Variants in TRPM3 observed in about 807,000 individuals in gnomAD.
The protein encoded by TRPM3 is long transient receptor potential channel 3.
A neutral mutation model predicts 181.2 loss-of-function variants in TRPM3; 77 were observed. The observed-to-expected ratio is 0.42, with a 90% CI of 0.35 to 0.51. TRPM3 has a LOEUF of 0.51. Ranked by LOEUF, TRPM3 falls within the 20% of genes least tolerant of loss-of-function variation. TRPM3 has a pLI of 0.01. For missense variants in TRPM3, 1,759 were observed against 2,196.7 expected (o/e 0.80, Z 3.98); for synonymous variants, 745 against 796.4 (o/e 0.94, Z 1.09).
chr9:71,107,943 A>T (rs2070101578), intron 1 of TRPM3, among the ~76,000 whole-genome samples: 1 of 152,174 alleles, frequency 6.6e-6, no homozygotes, highest in Admixed American at 6.5e-5. Context: ...ATTTCAGTCA[A>T]CCAGAAGAAT....
intron 1 of TRPM3, among the ~76,000 whole-genome samples, chr9:71,164,496 G>A (rs1367728414): frequency 6.6e-6 from 1 of 152,144 alleles, no homozygotes; most frequent in Non-Finnish European, 1.5e-5. Flanking sequence ...CTCCCAGAGA[G>A]TAGAGACTGA....
chr9:70,896,100 A>C (rs1304423804), intron 1 of TRPM3, among the ~76,000 whole-genome samples: 1 of 152,194 alleles, frequency 6.6e-6, no homozygotes, highest in East Asian at 1.9e-4. Context: ...TTTTAGAAAA[A>C]ACATGAGATG....
chr9:71,356,843 C>T (rs1040835204), intron 1 of TRPM3, among the ~76,000 whole-genome samples: 4 of 152,078 alleles, frequency 2.6e-5, no homozygotes, highest in African/African-American at 9.7e-5. Flanking sequence ...GAGCAGGGAC[C>T]ATGACATAAT....
At chr9:70,677,711 T>C (rs1329567935) in intron 9 of TRPM3, among the ~76,000 whole-genome samples, 1 of 152,274 alleles carries the variant, frequency 6.6e-6, no homozygotes, top group Admixed American at 6.5e-5. Context: ...ATCTTCATTC[T>C]GAAGGCTGGA....
chr9:71,413,557 G>T (rs2093593487), intron 1 of TRPM3, among the ~76,000 whole-genome samples: 1 of 152,046 alleles, frequency 6.6e-6, no homozygotes, highest in Non-Finnish European at 1.5e-5. Context: ...AGTGCTTACT[G>T]AATACTATGG....
At chr9:71,223,325 A>G (rs1397848832) in intron 1 of TRPM3, among the ~76,000 whole-genome samples, 1 of 152,166 alleles carries the variant, frequency 6.6e-6, no homozygotes, top group Admixed American at 6.5e-5. Flanking sequence ...ACTGACTTAA[A>G]GGGAAGGACC....
chr9:70,555,832 CCTG>C (rs947075372), intron 22 of TRPM3, among the ~76,000 whole-genome samples: 1 of 152,214 alleles, frequency 6.6e-6, no homozygotes, highest in African/African-American at 2.4e-5. Context: ...TCCTCTGGCT[CCTG>C]CTCAGATCTC....
intron 1 of TRPM3, among the ~76,000 whole-genome samples, chr9:71,349,745 G>A (rs1026030197): frequency 1.3e-4 from 19 of 151,976 alleles, no homozygotes; most frequent in African/African-American, 4.6e-4. Context: ...ATTAGACTAT[G>A]TTGTGAAATC....
intron 1 of TRPM3, among the ~76,000 whole-genome samples, chr9:71,058,980 T>C (rs2060977086): frequency 6.7e-6 from 1 of 149,616 alleles, no homozygotes; most frequent in Non-Finnish European, 1.5e-5. Context: ...TCAAATAAAC[T>C]CTATAATTTC....
chr9:71,409,074 C>T (rs956656349), intron 1 of TRPM3, among the ~76,000 whole-genome samples: 1 of 152,056 alleles, frequency 6.6e-6, no homozygotes, highest in Non-Finnish European at 1.5e-5. Context: ...ATTTTGTCAC[C>T]ACCAGGCATG....
At chr9:71,390,916 T>C (rs1411439112) in intron 1 of TRPM3, among the ~76,000 whole-genome samples, 1 of 151,918 alleles carries the variant, frequency 6.6e-6, no homozygotes, top group African/African-American at 2.4e-5. Context: ...GGGAAAATTA[T>C]AGTTCAAGCA....
At chr9:70,817,774 CTTTA>C (rs2092830788) in intron 6 of TRPM3, among the ~76,000 whole-genome samples, 1 of 151,950 alleles carries the variant, frequency 6.6e-6, no homozygotes, top group Non-Finnish European at 1.5e-5. Flanking sequence ...CTTGGCCTCT[CTTTA>C]TTTAGTATAA....
intron 1 of TRPM3, among the ~76,000 whole-genome samples, chr9:71,226,987 T>C (rs1005440173): frequency 2.0e-5 from 3 of 151,318 alleles, no homozygotes; most frequent in Non-Finnish European, 2.9e-5. Context: ...GACCATATGT[T>C]AAGCCACAAA....
intron 1 of TRPM3, among the ~76,000 whole-genome samples, chr9:70,932,717 C>T (rs545454106): frequency 8.5e-5 from 13 of 152,232 alleles, no homozygotes; most frequent in Non-Finnish European, 1.3e-4. Flanking sequence ...GTTAACTCTA[C>T]AGGAGTAGAA....
chr9:71,034,288 T>C (rs1236369529), intron 1 of TRPM3, among the ~76,000 whole-genome samples: 1 of 152,142 alleles, frequency 6.6e-6, no homozygotes, highest in Non-Finnish European at 1.5e-5. Flanking sequence ...ACAGAAGGAT[T>C]GGTGGGGAGT....
intron 22 of TRPM3, among the ~76,000 whole-genome samples, chr9:70,572,651 G>T (rs2052763063): frequency 6.6e-6 from 1 of 152,012 alleles, no homozygotes; most frequent in Non-Finnish European, 1.5e-5. Flanking sequence ...CTCATGATTA[G>T]ACTAGGGTTA....
chr9:70,549,500 G>A (rs2045937473), intron 25 of TRPM3, 42 bp downstream of exon 25: 1 of 1,579,572 alleles, frequency 6.3e-7, no homozygotes, highest in Non-Finnish European at 8.6e-7. Context: ...AGCATGCCTT[G>A]GCACAACACA....
At chr9:71,012,828 C>T (rs11142670) in intron 1 of TRPM3, among the ~76,000 whole-genome samples, 6,571 of 152,108 alleles carry the variant, frequency 0.043, 229 homozygotes, top group African/African-American at 0.093. Flanking sequence ...ATTATGTTAT[C>T]AGTCAATACA....
chr9:71,316,966 T>A (rs1027596959), intron 1 of TRPM3, among the ~76,000 whole-genome samples: 1 of 152,094 alleles, frequency 6.6e-6, no homozygotes. Flanking sequence ...AGTAAGAAAA[T>A]TTGCACATAT....
Sources: allele counts gnomAD v4.1 joint callset (sites outside exome capture counted in the v4.1 genomes callset), GRCh38; gene constraint gnomAD v4.1.1; transcripts MANE v1.5; gene names NCBI Gene and HGNC (gene_info 2026-07-23, HGNC 2026-07-21).